The following DNAJC17 variants were observed in gnomAD, a reference collection of about 807,000 sequenced individuals.
DNAJC17 encodes DnaJ heat shock protein family (Hsp40) member C17.
DNAJC17 carries 35 observed loss-of-function variants against 48.1 expected under a neutral mutation model. That is an observed-to-expected ratio of 0.73 (90% CI 0.56 to 0.96). The LOEUF (loss-of-function observed/expected upper bound fraction) is 0.96. Ranked by LOEUF, DNAJC17 falls within the 50% of genes least tolerant of loss-of-function variation. The pLI is 0.00. For missense variants in DNAJC17, 355 were observed against 377.1 expected (o/e 0.94, Z 0.48); for synonymous variants, 117 against 142.7 (o/e 0.82, Z 1.28).
chr15:40,767,328 G>A lies in DNAJC17; in HGVS notation c.*612C>T, dbSNP rs775737051. 7 of 1,602,110 alleles carry A rather than the reference G, an allele frequency of 4.4e-6. No homozygotes were observed. The Admixed American group carries it at 1.2e-4, about 28-fold the overall frequency. On this transcript the variant is annotated 3_prime_UTR_variant, in exon 11 of 11. Coordinates refer to ENST00000220496, the MANE Select transcript of DNAJC17 (RefSeq NM_018163.3). ...TGACGGGGGTGGGCCAGACGCTGGTGTGGTGTCTGCACAAGGAGTGACCTT... is the reference window on the plus strand; with the variant it reads ...TGACGGGGGTGGGCCAGACGCTGGTATGGTGTCTGCACAAGGAGTGACCTT...
At chr15:40,800,326 C>T (rs1391579393) in intron 1 of DNAJC17, among the ~76,000 whole-genome samples, 1 of 152,136 alleles carries the variant, frequency 6.6e-6, no homozygotes, top group Non-Finnish European at 1.5e-5. Context: ...CCTCGGCCTC[C>T]CAAAGTGCTG....
At position 40,773,780 on chromosome 15, in the gene DNAJC17, A is replaced by C; in HGVS notation, c.739T>G (p.Leu247Val). Residue 247 changes from leucine (L) to valine (V), a missense_variant, in exon 10 of 11, where the codon TTG becomes GTG. Leu to Val is a conservative substitution (Grantham distance 32). This residue lies in a region of DNAJC17 where 68 missense variants were observed against 109.5 expected (regional missense o/e 0.62). Coordinates refer to ENST00000220496, the MANE Select transcript of DNAJC17 (RefSeq NM_018163.3). Reference sequence around the variant, plus strand: ...ACGGCATCCTGGGGCTGTCCCTCCAACCAGGAAATCTTCAGAGGGTTATCC... The same window carrying C: ...ACGGCATCCTGGGGCTGTCCCTCCACCCAGGAAATCTTCAGAGGGTTATCC... ...LVDNPLKISW[L>V]EGQPQDAVGR... is the part of the protein sequence containing the mutation. 1 of 1,614,006 alleles carries C rather than the reference A, an allele frequency of 6.2e-7. No individual in the cohort carries two copies. The highest frequency in any genetic ancestry group is 8.5e-7 in the Non-Finnish European group (1 of 1,179,986).
intron 4 of DNAJC17, among the ~76,000 whole-genome samples, chr15:40,778,277 G>T (rs1889385119): frequency 6.6e-6 from 1 of 151,612 alleles, no homozygotes; most frequent in Non-Finnish European, 1.5e-5. Flanking sequence ...TTTTTGAGAT[G>T]GAGTTTTGCT....
intron 4 of DNAJC17, 163 bp downstream of exon 4, chr15:40,779,060 C>T (rs1889406223): frequency 5.6e-6 from 4 of 710,776 alleles, no homozygotes; most frequent in Non-Finnish European, 5.1e-6. Context: ...GTTATTATTC[C>T]TAAGAGTGTC....
chr15:40,780,185 C>T (rs554253970), intron 1 of DNAJC17, 188 bp from the exon 2 acceptor site: 2 of 687,156 alleles, frequency 2.9e-6, no homozygotes, highest in East Asian at 5.6e-5. Flanking sequence ...GCCACTGTCG[C>T]CCAGCACAGG....
chr15:40,776,550 C>T lies in DNAJC17; in HGVS notation c.373G>A (p.Glu125Lys). The T allele has an allele frequency of 5.6e-6, 9 of 1,614,080 alleles. No individual in the cohort carries two copies. Among genetic ancestry groups the T allele is most frequent in the Non-Finnish European group, 7.6e-6 (9 of 1,180,028 alleles). Residue 125 changes from glutamate to lysine, a missense_variant, in exon 5 of 11, where the codon GAG becomes AAG. Glu to Lys is a moderately conservative substitution (Grantham distance 56, BLOSUM62 1). Transcript: ENST00000220496. ...TGTGCCTGAGTGCTCACCTCTTGCT[C>T]TAGTGTCCTGGTGCTCCGGCTCTCC... is the stretch of plus-strand genomic sequence containing the variant. ...EEESRSTRTL[E>K]QEIERLREEG...
At chr15:40,781,095 G>C (rs1264338496) in intron 1 of DNAJC17, among the ~76,000 whole-genome samples, 1 of 146,126 alleles carries the variant, frequency 6.8e-6, no homozygotes, top group Non-Finnish European at 1.5e-5. Flanking sequence ...AGGTTGCAGT[G>C]AGCCAAGATT....
chr15:40,775,459 C>A, intron 7 of DNAJC17, 94 bp downstream of exon 7: 1 of 1,414,892 alleles, frequency 7.1e-7, no homozygotes. Context: ...TCCAGCAGCC[C>A]CACCAGAAAC....
chr15:40,767,346 G>A lies in DNAJC17; in HGVS notation c.*594C>T, dbSNP rs139646493. The A allele has an allele frequency of 2.0e-4, 313 of 1,597,936 alleles. No homozygotes were observed. The African/African-American group carries it at 2.0e-3, about 10-fold the overall frequency. On this transcript the variant is annotated 3_prime_UTR_variant, in exon 11 of 11. Coordinates refer to ENST00000220496, the MANE Select transcript of DNAJC17 (RefSeq NM_018163.3). Reference sequence around the variant, plus strand: ...CGCTGGTGTGGTGTCTGCACAAGGAGTGACCTTCTCATGCTGATTTGCAGA... The same window carrying A: ...CGCTGGTGTGGTGTCTGCACAAGGAATGACCTTCTCATGCTGATTTGCAGA...
chr15:40,792,627 C>A (rs892629901), intron 1 of DNAJC17: 1 of 531,832 alleles, frequency 1.9e-6, no homozygotes, highest in Non-Finnish European at 2.4e-6. Flanking sequence ...CCAGCCTGGG[C>A]AACATAGGGA....
chr15:40,797,514 G>A (rs1447360187), intron 1 of DNAJC17, among the ~76,000 whole-genome samples: 1 of 150,874 alleles, frequency 6.6e-6, no homozygotes, highest in Non-Finnish European at 1.5e-5. Flanking sequence ...CTGGGTTCAA[G>A]CGATTCTCCT....
In DNAJC17 at chr15:40,766,033, C is replaced by T; in HGVS notation, c.*1907G>A. 2.0e-6 allele frequency: 1 copy of T among 499,304 alleles called. No homozygotes were observed. Among genetic ancestry groups the T allele is most frequent in the Admixed American group, 3.7e-5 (1 of 27,052 alleles). 30.9% of individuals were successfully genotyped at this position (499,304 alleles called of 1,614,324 possible). A position where few individuals can be genotyped will look rare whatever the true frequency, so the allele number is the denominator to read the frequency against. The stretch of plus-strand genomic sequence containing the variant: ...CAGGGCCCAGCATCAGAGCCCCCTG[C>T]CTGCATCCTGGGGCTCTGTTCTCCG... On this transcript the variant is annotated 3_prime_UTR_variant, in exon 11 of 11. Transcript: ENST00000220496.
chr15:40,780,082 C>A (rs1340647752), intron 1 of DNAJC17, 85 bp from the exon 2 acceptor site: 1 of 1,277,432 alleles, frequency 7.8e-7, no homozygotes, highest in East Asian at 2.4e-5. Flanking sequence ...TAAGGGGAAT[C>A]CCATGCACAC....
At chr15:40,780,589 A>C (rs1889457385) in intron 1 of DNAJC17, 1 of 349,642 alleles carries the variant, frequency 2.9e-6, no homozygotes, top group Admixed American at 3.9e-5. Context: ...TGAGGTGGAC[A>C]GATCACCTGA....
rs1283424660 is a variant in DNAJC17 at position 40,775,550 on chromosome 15, C to T, written c.522+3G>A. On this transcript the variant is annotated splice_donor_region_variant and intron_variant, in intron 7 of 10. Coordinates refer to ENST00000220496, the MANE Select transcript of DNAJC17 (RefSeq NM_018163.3). ...GTGGCCCACAGATCCTGCCCAGGCTCACCTTTAGTTTGGGGGTTCCTTGGC... is the reference window on the plus strand; with the variant it reads ...GTGGCCCACAGATCCTGCCCAGGCTTACCTTTAGTTTGGGGGTTCCTTGGC... The T allele has an allele frequency of 1.2e-6, 2 of 1,613,872 alleles. No individual in the cohort carries two copies. The highest frequency in any genetic ancestry group is 1.1e-5 in the South Asian group (1 of 91,060).
intron 1 of DNAJC17, among the ~76,000 whole-genome samples, chr15:40,787,342 A>T (rs1889667455): frequency 6.6e-6 from 1 of 152,208 alleles, no homozygotes; most frequent in Non-Finnish European, 1.5e-5. Context: ...ATGAATTGGC[A>T]AACATTCATT....
At chr15:40,775,451 C>T in intron 7 of DNAJC17, 102 bp downstream of exon 7, 1 of 1,340,106 alleles carries the variant, frequency 7.5e-7, no homozygotes, top group Non-Finnish European at 1.1e-6. Flanking sequence ...CACGCAGATC[C>T]AGCAGCCCCA....
intron 1 of DNAJC17, 148 bp downstream of exon 1, chr15:40,807,221 C>T: frequency 6.5e-7 from 1 of 1,531,298 alleles, no homozygotes; most frequent in African/African-American, 1.4e-5. Context: ...TGTCTGGGAG[C>T]CCGCCTGCGG....
In DNAJC17 at chr15:40,767,977, C is replaced by T; in HGVS notation, c.878G>A (p.Arg293Gln). 6.2e-7 allele frequency: 1 copy of T among 1,612,256 alleles called. No homozygotes were observed. The highest frequency in any genetic ancestry group is 1.3e-5 in the African/African-American group (1 of 74,876). Residue 293 changes from arginine to glutamine, a missense_variant, in exon 11 of 11, where the codon CGG (arginine) becomes CAG (glutamine). Physicochemically the swap from Arg to Gln is conservative, Grantham distance 43. Around this residue, in one of 3 missense-constraint regions of DNAJC17, gnomAD observed 88 missense variants for 67.7 expected, o/e 1.30. Transcript: ENST00000220496. ...CCCCTCCTGGTCTTCCTGCTGCATC[C>T]GTGCGATCAGCTGTTGCCGCTCGGC... Reference protein sequence around the residue: ...QAAERQQLIARMQQEDQEGPP... With the variant: ...QAAERQQLIAQMQQEDQEGPP...
Sources: gnomAD v4.1 joint callset for allele counts (sites outside exome capture counted in the v4.1 genomes callset) on GRCh38, gnomAD v4.1.1 for gene constraint, gnomAD v4.1.1 regional missense constraint, MANE v1.5 for transcripts, NCBI Gene and HGNC (gene_info 2026-07-23, HGNC 2026-07-21) for gene names.